Variants in ULK4 observed in about 807,000 individuals in gnomAD.
The protein encoded by ULK4 is unc-51 like kinase 4.
In ULK4, 133 loss-of-function variants were observed where a neutral mutation model predicts 160.6. The observed-to-expected ratio is 0.83, with a 90% CI of 0.72 to 0.96. The LOEUF (loss-of-function observed/expected upper bound fraction) is 0.96, where lower values mean the gene tolerates loss of function less well. ULK4 is among the 40% of genes least tolerant of loss of function. The pLI, the probability that ULK4 is intolerant of heterozygous loss-of-function variation, is 0.00. For missense variants in ULK4, 1,580 were observed against 1,499.5 expected, an observed-to-expected ratio of 1.05 and a Z score of -0.89; for synonymous variants, 534 against 539.8, an observed-to-expected ratio of 0.99 and a Z score of 0.15.
chr3:41,920,399 T>A (rs1018243092), intron 5 of ULK4, among the ~76,000 whole-genome samples: 4 of 152,216 alleles, frequency 2.6e-5, no homozygotes, highest in African/African-American at 7.2e-5. Flanking sequence ...TCCAGGAGAA[T>A]AGGAAATATT....
intron 33 of ULK4, among the ~76,000 whole-genome samples, chr3:41,461,830 T>C (rs2083691929): frequency 6.6e-6 from 1 of 152,120 alleles, no homozygotes; most frequent in South Asian, 2.1e-4. Flanking sequence ...AAAGTAACTA[T>C]CAACTACATC....
rs1226280288 is a variant in ULK4, at chr3:41,365,467, T to TA, written c.3678+32611dup. Reference sequence around the variant, plus strand: ...AATGTTTTTGCTGCAGCCAGAAAATTAATATAACATAGGAATAAAAATGAT... The same window carrying TA: ...AATGTTTTTGCTGCAGCCAGAAAATTAAATATAACATAGGAATAAAAATGAT... On this transcript the variant is annotated intron_variant, in intron 35 of 36. Coordinates refer to ENST00000301831, the MANE Select transcript of ULK4 (RefSeq NM_017886.4). Among the ~76,000 whole-genome samples, 4 of 152,300 alleles carry TA rather than the reference T, an allele frequency of 2.6e-5. No individual in the cohort carries two copies. The East Asian group carries it at 7.7e-4, about 29-fold the overall frequency.
At chr3:41,589,430 CAAAAAAAAA>C (rs34913730) in intron 31 of ULK4, among the ~76,000 whole-genome samples, 3 of 72,114 alleles carry the variant, frequency 4.2e-5, no homozygotes, top group Admixed American at 1.6e-4. Flanking sequence ...AAGGCCAGGC[CAAAAAAAAA>C]AAAAAAAAAA....
chr3:41,266,958 CCCTCTTGCCAGCTA>C (rs2079045490), intron 35 of ULK4, among the ~76,000 whole-genome samples: 1 of 146,302 alleles, frequency 6.8e-6, no homozygotes, highest in Admixed American at 6.9e-5. Context: ...GAAAATATAA[CCCTCTTGCCAGCTA>C]CCTCATGTGG....
intron 1 of ULK4, among the ~76,000 whole-genome samples, chr3:41,958,950 G>T (rs1243781604): frequency 6.6e-6 from 1 of 152,110 alleles, no homozygotes; most frequent in Non-Finnish European, 1.5e-5. Context: ...TTTATGGGCA[G>T]GGTGCAATGA....
intron 29 of ULK4, among the ~76,000 whole-genome samples, chr3:41,663,999 C>T (rs2035271966): frequency 6.6e-6 from 1 of 152,148 alleles, no homozygotes; most frequent in African/African-American, 2.4e-5. Context: ...GTACAAGCAT[C>T]TGAAAAATCT....
At chr3:41,271,879 T>C (rs2079143956) in intron 35 of ULK4, among the ~76,000 whole-genome samples, 1 of 152,166 alleles carries the variant, frequency 6.6e-6, no homozygotes, top group East Asian at 1.9e-4. Context: ...CTGATGCTTC[T>C]CATTCCTTTG....
chr3:41,546,653 A>C (rs560119205), intron 32 of ULK4, among the ~76,000 whole-genome samples: 6 of 151,046 alleles, frequency 4.0e-5, no homozygotes, highest in African/African-American at 1.5e-4. Context: ...CTCCTCTCTT[A>C]TACTCTGCCC....
intron 32 of ULK4, among the ~76,000 whole-genome samples, chr3:41,496,759 G>A (rs2085006338): frequency 2.0e-5 from 3 of 152,040 alleles, no homozygotes; most frequent in Non-Finnish European, 2.9e-5. Flanking sequence ...AAGGAGTTCC[G>A]ACAATCCAGA....
chr3:41,724,569 A>T (rs2037582875), intron 22 of ULK4, among the ~76,000 whole-genome samples: 1 of 152,024 alleles, frequency 6.6e-6, no homozygotes, highest in Non-Finnish European at 1.5e-5. Flanking sequence ...TAAAAATACA[A>T]AAAATTAGCC....
chr3:41,378,847 C>T (rs2081579999), intron 35 of ULK4, among the ~76,000 whole-genome samples: 1 of 151,570 alleles, frequency 6.6e-6, no homozygotes, highest in Non-Finnish European at 1.5e-5. Context: ...AAATGTGGCA[C>T]ATTTACACCA....
chr3:41,511,300 C>G (rs2085569089), intron 32 of ULK4, among the ~76,000 whole-genome samples: 1 of 150,340 alleles, frequency 6.7e-6, no homozygotes, highest in Non-Finnish European at 1.5e-5. Flanking sequence ...CAGAGCAAAA[C>G]TAAATGAAAT....
At chr3:41,513,910 A>G (rs1173047929) in intron 32 of ULK4, among the ~76,000 whole-genome samples, 1 of 152,154 alleles carries the variant, frequency 6.6e-6, no homozygotes, top group Non-Finnish European at 1.5e-5. Flanking sequence ...AATCACCACT[A>G]AAGAACGTAT....
chr3:41,815,149 C>T lies in ULK4; in HGVS notation c.1848+4274G>A, dbSNP rs544785709. ...TTCTTGAACTCCTGACCTCATGATC[C>T]GCCTGCCTTGGCCTCCCAAAGTGCT... On this transcript the variant is annotated intron_variant, in intron 19 of 36. Transcript: ENST00000301831. 5.3e-5 allele frequency among the ~76,000 whole-genome samples: 8 copies of T among 152,260 alleles called. 1 individual carries two copies. In the East Asian group the frequency reaches 7.7e-4, roughly 15 times the overall value.
intron 30 of ULK4, among the ~76,000 whole-genome samples, chr3:41,656,241 A>G (rs2034931837): frequency 6.6e-6 from 1 of 152,028 alleles, no homozygotes; most frequent in Non-Finnish European, 1.5e-5. Context: ...AAGAAGGAAC[A>G]CTTATACAAC....
chr3:41,902,967 AT>A (rs1698428048), intron 12 of ULK4, among the ~76,000 whole-genome samples: 1 of 152,222 alleles, frequency 6.6e-6, no homozygotes, highest in Admixed American at 6.5e-5. Context: ...TATATACATC[AT>A]ACTTGCTTCA....
Position 41,246,839 on chromosome 3 carries a change from G to T in ULK4, c.*90C>A. 6.8e-7 allele frequency: 1 copy of T among 1,462,394 alleles called. No homozygotes were observed. Among genetic ancestry groups the T allele is most frequent in the South Asian group, 1.2e-5 (1 of 82,490 alleles). 90.6% of individuals were successfully genotyped at this position (1,462,394 alleles called of 1,614,324 possible). ...TATTAGGTCCAAAGACAGCTGTGAG[G>T]GGATGTGGCAAAGGTGTCTGGGAGC... On this transcript the variant is annotated 3_prime_UTR_variant, in exon 37 of 37. Coordinates refer to ENST00000301831, the MANE Select transcript of ULK4 (RefSeq NM_017886.4).
chr3:41,903,550 CT>C (rs2148794779), intron 12 of ULK4, among the ~76,000 whole-genome samples: 1 of 149,896 alleles, frequency 6.7e-6, no homozygotes, highest in Non-Finnish European at 1.5e-5. Flanking sequence ...CACCGCTGCA[CT>C]CCAGTCTGGG....
chr3:41,879,243 G>A lies in ULK4; in HGVS notation c.1656+4631C>T, dbSNP rs375343026. On this transcript the variant is annotated intron_variant, in intron 17 of 36. Coordinates refer to ENST00000301831, the MANE Select transcript of ULK4 (RefSeq NM_017886.4). The stretch of plus-strand genomic sequence containing the variant: ...TCAGAGACTACTGCTGAATGTATTG[G>A]GTGTGATAATGAAATCATGGTTATA... Among the ~76,000 whole-genome samples the A allele has an allele frequency of 3.1e-4, 47 of 151,662 alleles. No homozygotes were observed. In the South Asian group the frequency reaches 9.8e-3, roughly 32 times the overall value.
Sources: allele counts gnomAD v4.1 joint callset (sites outside exome capture counted in the v4.1 genomes callset), GRCh38; gene constraint gnomAD v4.1.1; transcripts MANE v1.5; gene names NCBI Gene and HGNC (gene_info 2026-07-23, HGNC 2026-07-21).